PRKG1: variants seen among roughly 807,000 people sequenced by gnomAD.
The protein encoded by PRKG1 is protein kinase cGMP-dependent 1.
A neutral mutation model predicts 88.1 loss-of-function variants in PRKG1; 35 were observed. That is an observed-to-expected ratio of 0.40 (90% CI 0.30 to 0.53). The LOEUF (loss-of-function observed/expected upper bound fraction) is 0.53, where lower values mean the gene tolerates loss of function less well. Among genes scored for constraint, PRKG1 ranks in the 20% least tolerant of loss-of-function variants. The pLI is 0.59. For synonymous variants in PRKG1, 303 were observed against 292.5 expected (o/e 1.04, Z -0.37); for missense variants, 540 against 839.8 (o/e 0.64, Z 4.41).
chr10:52,149,285 T>C (rs1263477543), intron 8 of PRKG1, among the ~76,000 whole-genome samples: 2 of 152,052 alleles, frequency 1.3e-5, no homozygotes, highest in Admixed American at 1.3e-4. Context: ...GTTCTTTTTA[T>C]GAACCTTTCA....
At chr10:51,815,341 T>C (rs562900503) in intron 4 of PRKG1, among the ~76,000 whole-genome samples, 1 of 152,300 alleles carries the variant, frequency 6.6e-6, no homozygotes, top group East Asian at 1.9e-4. Context: ...GAGTGAGTTC[T>C]TTTCCATAAG....
intron 3 of PRKG1, among the ~76,000 whole-genome samples, chr10:51,720,847 A>G (rs1241190640): frequency 6.6e-6 from 1 of 152,136 alleles, no homozygotes; most frequent in Non-Finnish European, 1.5e-5. Flanking sequence ...TTCCTCGTGG[A>G]TACAAATGGT....
At chr10:51,188,802 A>T (rs1028415212) in intron 2 of PRKG1, among the ~76,000 whole-genome samples, 1 of 151,964 alleles carries the variant, frequency 6.6e-6, no homozygotes, top group Non-Finnish European at 1.5e-5. Context: ...CATAGTTACC[A>T]CATTCCAAGG....
At chr10:52,118,219 G>A (rs1201417404) in intron 7 of PRKG1, among the ~76,000 whole-genome samples, 1 of 151,838 alleles carries the variant, frequency 6.6e-6, no homozygotes, top group Non-Finnish European at 1.5e-5. Context: ...TATTTTCTCT[G>A]TTTAAAGGAT....
intron 4 of PRKG1, among the ~76,000 whole-genome samples, chr10:51,848,667 G>T (rs1033265199): frequency 3.5e-5 from 5 of 143,170 alleles, no homozygotes; most frequent in South Asian, 2.1e-4. Flanking sequence ...GTGTGTGTGT[G>T]TTTTATATTT....
chr10:51,198,025 C>T (rs532433130), intron 2 of PRKG1, among the ~76,000 whole-genome samples: 25 of 151,744 alleles, frequency 1.6e-4, no homozygotes, highest in African/African-American at 6.0e-4. Context: ...CTTTTGGTAC[C>T]CTTACCTTCA....
intron 8 of PRKG1, among the ~76,000 whole-genome samples, chr10:52,155,826 C>G (rs796997247): frequency 6.6e-6 from 1 of 151,600 alleles, no homozygotes; most frequent in Admixed American, 6.6e-5. Context: ...CTTAACAAGA[C>G]CCTGTCCTGG....
At chr10:51,869,451 T>C (rs1841101597) in intron 4 of PRKG1, among the ~76,000 whole-genome samples, 1 of 152,118 alleles carries the variant, frequency 6.6e-6, no homozygotes, top group Non-Finnish European at 1.5e-5. Flanking sequence ...CAATCAGCAT[T>C]CTAAATAAAA....
At chr10:52,052,994 G>A (rs999458321) in intron 5 of PRKG1, among the ~76,000 whole-genome samples, 1 of 152,154 alleles carries the variant, frequency 6.6e-6, no homozygotes, top group Non-Finnish European at 1.5e-5. Flanking sequence ...AAATCTGCAT[G>A]TTGTAAAATT....
At chr10:51,163,826 C>T (rs569023441) in intron 2 of PRKG1, among the ~76,000 whole-genome samples, 16 of 152,152 alleles carry the variant, frequency 1.1e-4, no homozygotes, top group Non-Finnish European at 1.8e-4. Flanking sequence ...ACTGCAAGGC[C>T]GCAGCGAGGC....
intron 3 of PRKG1, among the ~76,000 whole-genome samples, chr10:51,475,656 C>T (rs1173492761): frequency 6.6e-6 from 1 of 151,854 alleles, no homozygotes; most frequent in Non-Finnish European, 1.5e-5. Flanking sequence ...AAAACACAGC[C>T]TTAGTAAAGA....
intron 7 of PRKG1, among the ~76,000 whole-genome samples, chr10:52,098,927 C>A (rs1380993630): frequency 1.3e-5 from 2 of 152,104 alleles, no homozygotes; most frequent in Admixed American, 6.6e-5. Context: ...ATAAAAGAAT[C>A]CAAATGTAAA....
chr10:51,993,210 T>C (rs1381879992), intron 5 of PRKG1, among the ~76,000 whole-genome samples: 1 of 152,214 alleles, frequency 6.6e-6, no homozygotes, highest in African/African-American at 2.4e-5. Flanking sequence ...TTTTTAAATT[T>C]TCTCATTATT....
chr10:51,860,154 G>T (rs950309960), intron 4 of PRKG1, among the ~76,000 whole-genome samples: 1 of 152,276 alleles, frequency 6.6e-6, no homozygotes, highest in East Asian at 1.9e-4. Context: ...TAGAGCTGGG[G>T]TTTGAATAGG....
At chr10:52,273,683 A>G (rs1220833823) in intron 12 of PRKG1, among the ~76,000 whole-genome samples, 9 of 152,170 alleles carry the variant, frequency 5.9e-5, no homozygotes, top group Middle Eastern at 6.8e-3. Context: ...TTTTATTTCA[A>G]TTCTTAAATT....
intron 5 of PRKG1, among the ~76,000 whole-genome samples, chr10:52,049,076 T>G (rs1383713288): frequency 6.6e-6 from 1 of 151,908 alleles, no homozygotes; most frequent in Non-Finnish European, 1.5e-5. Flanking sequence ...TTTGCTGTGG[T>G]TTGCAGCTGT....
chr10:51,210,752 A>C (rs1185523841), intron 2 of PRKG1, among the ~76,000 whole-genome samples: 2 of 152,244 alleles, frequency 1.3e-5, no homozygotes, highest in Non-Finnish European at 2.9e-5. Context: ...ACAGTCTCCC[A>C]AGACTAAACC....
intron 3 of PRKG1, among the ~76,000 whole-genome samples, chr10:51,545,112 A>G (rs1842415269): frequency 6.6e-6 from 1 of 152,032 alleles, no homozygotes; most frequent in Non-Finnish European, 1.5e-5. Flanking sequence ...CTTGTATGTC[A>G]ATAATGGGTT....
intron 2 of PRKG1, among the ~76,000 whole-genome samples, chr10:51,367,023 A>G (rs937436924): frequency 7.2e-5 from 11 of 151,942 alleles, no homozygotes; most frequent in African/African-American, 2.4e-4. Context: ...TGGATGGGGA[A>G]TTTTAAATTC....
Sources: allele counts gnomAD v4.1 joint callset (sites outside exome capture counted in the v4.1 genomes callset), GRCh38; gene constraint gnomAD v4.1.1; transcripts MANE v1.5; gene names NCBI Gene and HGNC (gene_info 2026-07-23, HGNC 2026-07-21).